Variants in FAM168B observed in about 807,000 individuals in gnomAD.
FAM168B encodes the protein myelin-associated neurite-outgrowth inhibitor.
In FAM168B, 19 loss-of-function variants were observed where a neutral mutation model predicts 21.8. The observed-to-expected ratio is 0.87, with a 90% CI of 0.61 to 1.28. The LOEUF (loss-of-function observed/expected upper bound fraction) is 1.28. FAM168B is among the 50% of genes most tolerant of loss of function. FAM168B has a pLI of 0.00. For synonymous variants in FAM168B, 126 were observed against 104.8 expected (o/e 1.20, Z -1.24); for missense variants, 233 against 263.1 (o/e 0.89, Z 0.79).
At chr2:131,088,454 T>C (rs1456066488) in intron 1 of FAM168B, among the ~76,000 whole-genome samples, 1 of 152,118 alleles carries the variant, frequency 6.6e-6, no homozygotes, top group Non-Finnish European at 1.5e-5. Context: ...CAGATAATTC[T>C]AAATTAAAAT....
intron 2 of FAM168B, among the ~76,000 whole-genome samples, chr2:131,075,454 A>T (rs1693096936): frequency 6.6e-6 from 1 of 151,880 alleles, no homozygotes; most frequent in African/African-American, 2.4e-5. Flanking sequence ...GTCCCTGAAA[A>T]ACTACTGTCT....
chr2:131,052,883 T>C lies in FAM168B; in HGVS notation c.*12+8A>G. On this transcript the variant is annotated splice_region_variant and intron_variant, in intron 6 of 6. Transcript: ENST00000389915. The stretch of plus-strand genomic sequence containing the variant: ...CAAAGGCTAGCCCAGCCTTCCCTGG[T>C]CACTTACATTTGCAGGTGATCACCA... The C allele has an allele frequency of 1.3e-6, 2 of 1,549,292 alleles. No homozygotes were observed. Among genetic ancestry groups the C allele is most frequent in the South Asian group, 1.2e-5 (1 of 84,006 alleles).
In FAM168B at chr2:131,050,994, G is replaced by A. The variant is rs139831749; in HGVS notation, c.*1471C>T. 5.4e-5 allele frequency: 53 copies of A among 985,448 alleles called. No homozygotes were observed. In the East Asian group the frequency reaches 2.0e-3, roughly 38 times the overall value. 61.0% of individuals were successfully genotyped at this position (985,448 alleles called of 1,614,324 possible). ...TACAGGACGGGCATATTTTGGGGGCGGGGTGGAGGGAAGCCTTTTCATTTC... is the reference window on the plus strand; with the variant it reads ...TACAGGACGGGCATATTTTGGGGGCAGGGTGGAGGGAAGCCTTTTCATTTC... On this transcript the variant is annotated 3_prime_UTR_variant, in exon 7 of 7. Coordinates refer to ENST00000389915, the MANE Select transcript of FAM168B (RefSeq NM_001009993.4).
chr2:131,055,339 G>A lies in FAM168B; in HGVS notation c.408C>T (p.Ile136=), dbSNP rs553389316. The change falls in exon 5 of 7, where the codon ATC becomes ATT. Residue 136 remains isoleucine (I), a synonymous_variant. Coordinates refer to ENST00000389915, the MANE Select transcript of FAM168B (RefSeq NM_001009993.4). ...TGACCCCGTTGCCTCTAGGAGGGGG[G>A]ATGGGAGCAGGGTACACCGTTGCAG... ...GMPATVYPAP[I]PPPRGNGVTM... 14 of 1,585,382 alleles carry A rather than the reference G, an allele frequency of 8.8e-6. No individual in the cohort carries two copies. In the East Asian group the frequency reaches 9.1e-5, roughly 10 times the overall value.
intron 1 of FAM168B, among the ~76,000 whole-genome samples, chr2:131,083,924 A>G (rs567884919): frequency 6.6e-6 from 1 of 150,568 alleles, no homozygotes; most frequent in African/African-American, 2.4e-5. Flanking sequence ...TTATTTTCCC[A>G]GACGGAGTCT....
chr2:131,071,465 A>G (rs1021578127), intron 3 of FAM168B, among the ~76,000 whole-genome samples: 6 of 152,256 alleles, frequency 3.9e-5, no homozygotes, highest in Admixed American at 6.5e-5. Flanking sequence ...CATGGAAAAT[A>G]ATACTTTTTT....
intron 1 of FAM168B, among the ~76,000 whole-genome samples, chr2:131,089,287 TC>T (rs1172697635): frequency 6.6e-6 from 1 of 151,846 alleles, no homozygotes; most frequent in African/African-American, 2.4e-5. Flanking sequence ...ATTTTTAGTT[TC>T]CCATTTGAAA....
intron 1 of FAM168B, among the ~76,000 whole-genome samples, chr2:131,090,878 T>C (rs2105610898): frequency 6.6e-6 from 1 of 152,228 alleles, no homozygotes; most frequent in South Asian, 2.1e-4. Flanking sequence ...TACAGTTGCC[T>C]GCCACCATGC....
chr2:131,052,568 G>A, intron 6 of FAM168B, 116 bp from the exon 7 acceptor site: 1 of 849,440 alleles, frequency 1.2e-6, no homozygotes, highest in Non-Finnish European at 1.5e-6. Context: ...GGGCAAAACT[G>A]CTGGACCTGG....
chr2:131,087,600 G>A (rs1361091974), intron 1 of FAM168B, among the ~76,000 whole-genome samples: 1 of 152,222 alleles, frequency 6.6e-6, no homozygotes, highest in Non-Finnish European at 1.5e-5. Flanking sequence ...TTTGTTTGGA[G>A]CTTAGGCTCT....
At chr2:131,060,241 G>C (rs187990606) in intron 3 of FAM168B, among the ~76,000 whole-genome samples, 1 of 152,178 alleles carries the variant, frequency 6.6e-6, no homozygotes, top group Non-Finnish European at 1.5e-5. Context: ...GGCCAGGCTG[G>C]TGTCGAACTC....
intron 6 of FAM168B, 96 bp downstream of exon 6, chr2:131,052,795 T>C (rs1691763912): frequency 6.7e-7 from 1 of 1,484,606 alleles, no homozygotes; most frequent in Non-Finnish European, 9.0e-7. Context: ...TCAGGCACAC[T>C]TTCCTCGTTA....
intron 3 of FAM168B, among the ~76,000 whole-genome samples, chr2:131,063,426 G>C (rs1274864072): frequency 6.6e-6 from 1 of 152,096 alleles, no homozygotes; most frequent in African/African-American, 2.4e-5. Context: ...CCATTTTCTA[G>C]CCAGCACTTA....
At chr2:131,083,766 T>G (rs1414287661) in intron 1 of FAM168B, among the ~76,000 whole-genome samples, 1 of 152,220 alleles carries the variant, frequency 6.6e-6, no homozygotes, top group East Asian at 1.9e-4. Context: ...TATAAAAATG[T>G]GCATCCCTGG....
chr2:131,067,449 A>C (rs1170389399), intron 3 of FAM168B, among the ~76,000 whole-genome samples: 1 of 152,214 alleles, frequency 6.6e-6, no homozygotes, highest in Non-Finnish European at 1.5e-5. Context: ...AAGATCAAGA[A>C]AGCAGCAGGG....
intron 3 of FAM168B, 145 bp downstream of exon 3, chr2:131,071,710 G>C: frequency 3.0e-6 from 2 of 677,226 alleles, no homozygotes. Context: ...TTAAGCTTTT[G>C]TTGCACTTAT....
At chr2:131,074,845 C>A (rs188209971) in intron 2 of FAM168B, among the ~76,000 whole-genome samples, 1 of 152,156 alleles carries the variant, frequency 6.6e-6, no homozygotes, top group African/African-American at 2.4e-5. Context: ...TGCTCTATTG[C>A]CCTGCATCCC....
chr2:131,089,210 C>T (rs1693880763), intron 1 of FAM168B, among the ~76,000 whole-genome samples: 1 of 151,968 alleles, frequency 6.6e-6, no homozygotes, highest in Admixed American at 6.6e-5. Context: ...AGGTGATCCG[C>T]CAGTCTTGGC....
intron 3 of FAM168B, among the ~76,000 whole-genome samples, chr2:131,058,332 T>A (rs1416883848): frequency 6.6e-6 from 1 of 152,106 alleles, no homozygotes; most frequent in Admixed American, 6.5e-5. Flanking sequence ...GCCTTCAACA[T>A]CAGCCTTCTC....
Sources: gnomAD v4.1 joint callset for allele counts (sites outside exome capture counted in the v4.1 genomes callset) on GRCh38, gnomAD v4.1.1 for gene constraint, MANE v1.5 for transcripts, NCBI Gene and HGNC (gene_info 2026-07-23, HGNC 2026-07-21) for gene names.